Variants in SOCS6 observed in about 807,000 individuals in gnomAD.
The protein encoded by SOCS6 is STAT induced STAT inhibitor-4.
SOCS6 carries 5 observed loss-of-function variants against 27.7 expected under a neutral mutation model. That is an observed-to-expected ratio of 0.18 (90% CI 0.09 to 0.38). SOCS6 has a LOEUF of 0.38. Among genes scored for constraint, SOCS6 ranks in the 10% least tolerant of loss-of-function variants. The pLI is 1.00. For missense variants in SOCS6, 595 were observed against 688.1 expected (o/e 0.86, Z 1.51); for synonymous variants, 271 against 260.0 (o/e 1.04, Z -0.41).
In SOCS6 at chr18:70,329,530, A is replaced by G. The variant is rs907256155; in HGVS notation, c.*3254A>G. On this transcript the variant is annotated 3_prime_UTR_variant, in exon 2 of 2. Coordinates refer to ENST00000397942, the MANE Select transcript of SOCS6 (RefSeq NM_004232.4). The stretch of plus-strand genomic sequence containing the variant: ...CAGTTTTAATTACATTTCACATTGT[A>G]TATGAGAGATACTGCTTTATGAATG... 8 of 167,124 alleles carry G rather than the reference A, an allele frequency of 4.8e-5. No individual in the cohort carries two copies. The highest frequency in any genetic ancestry group is 4.6e-4 in the Admixed American group (7 of 15,294). The allele number at this position is 167,124 out of a possible 1,614,324, so 10.4% of individuals were successfully genotyped here. A position where few individuals can be genotyped will look rare whatever the true frequency, so the allele number is the denominator to read the frequency against.
At chr18:70,294,270 C>T (rs1019752503) in intron 1 of SOCS6, among the ~76,000 whole-genome samples, 5 of 151,786 alleles carry the variant, frequency 3.3e-5, no homozygotes, top group Admixed American at 2.6e-4. Context: ...GTAATTATTA[C>T]TATTAATTCT....
chr18:70,324,440 CTG>C, intron 1 of SOCS6, 101 bp from the exon 2 acceptor site: 1 of 378,124 alleles, frequency 2.6e-6, no homozygotes, highest in Non-Finnish European at 4.7e-6. Context: ...TAAGAAAAGA[CTG>C]GGGTGTTCTC....
chr18:70,291,312 G>A (rs1336662758), intron 1 of SOCS6, among the ~76,000 whole-genome samples: 1 of 151,958 alleles, frequency 6.6e-6, no homozygotes, highest in African/African-American at 2.4e-5. Flanking sequence ...GTGTTGCCGA[G>A]GCTGGTCTCA....
intron 1 of SOCS6, among the ~76,000 whole-genome samples, chr18:70,300,813 CTTAAT>C (rs535703519): frequency 1.6e-3 from 244 of 152,214 alleles, no homozygotes; most frequent in African/African-American, 5.4e-3. Context: ...TAAATTTATT[CTTAAT>C]TTAAGTTAAA....
chr18:70,291,251 CAT>C (rs2062298032), intron 1 of SOCS6, among the ~76,000 whole-genome samples: 1 of 152,184 alleles, frequency 6.6e-6, no homozygotes, highest in Admixed American at 6.5e-5. Context: ...GGACCACAGA[CAT>C]GTGCCACCAC....
Position 70,312,859 on chromosome 18 carries a change from C to T in SOCS6, c.-126-11684C>T, listed in dbSNP as rs544807810. ...CGTGATCTTGGCTCACTGCAAACTC[C>T]GCCTCCCGGGTTCAAGCAATTCTCC... On this transcript the variant is annotated intron_variant, in intron 1 of 1. Coordinates refer to ENST00000397942, the MANE Select transcript of SOCS6 (RefSeq NM_004232.4). 3.3e-5 allele frequency among the ~76,000 whole-genome samples: 5 copies of T among 149,366 alleles called. No homozygotes were observed. The South Asian group carries it at 1.1e-3, about 32-fold the overall frequency.
At position 70,301,487 on chromosome 18, in the gene SOCS6, G is replaced by A. The variant is rs138584104; in HGVS notation, c.-127+12397G>A. ...GAAGAATGTAGAGTAGCCGGAAATG[G>A]AAGTATAGAGAAGATTTAAACCTGC... On this transcript the variant is annotated intron_variant, in intron 1 of 1. Coordinates refer to ENST00000397942, the MANE Select transcript of SOCS6 (RefSeq NM_004232.4). 1.9e-3 allele frequency among the ~76,000 whole-genome samples: 268 copies of A among 142,546 alleles called. 1 individual carries two copies. Among genetic ancestry groups the A allele is most frequent in the African/African-American group, 6.7e-3 (261 of 39,064 alleles). The allele number at this position is 142,546 out of a possible 152,430, so 93.5% of individuals were successfully genotyped here. A position where few individuals can be genotyped will look rare whatever the true frequency, so the allele number is the denominator to read the frequency against.
At chr18:70,323,615 G>A (rs1911068344) in intron 1 of SOCS6, among the ~76,000 whole-genome samples, 1 of 152,132 alleles carries the variant, frequency 6.6e-6, no homozygotes, top group Non-Finnish European at 1.5e-5. Flanking sequence ...CGCGCATTGA[G>A]CTTCTTCCTC....
Position 70,328,707 on chromosome 18 carries a change from G to T in SOCS6, c.*2431G>T, listed in dbSNP as rs565587172. The T allele has an allele frequency of 2.4e-5, 4 of 166,912 alleles. No homozygotes were observed. The South Asian group carries it at 8.3e-4, about 35-fold the overall frequency. 10.3% of individuals were successfully genotyped at this position (166,912 alleles called of 1,614,324 possible). ...ATTTGCCAAAAAGTTAAATTTACAAGCAGAAAGATGTTTTGCGATATTTTC... is the reference window on the plus strand; with the variant it reads ...ATTTGCCAAAAAGTTAAATTTACAATCAGAAAGATGTTTTGCGATATTTTC... On this transcript the variant is annotated 3_prime_UTR_variant, in exon 2 of 2. Coordinates refer to ENST00000397942, the MANE Select transcript of SOCS6 (RefSeq NM_004232.4).
At position 70,302,167 on chromosome 18, in the gene SOCS6, C is replaced by T. The variant is rs79472799; in HGVS notation, c.-127+13077C>T. On this transcript the variant is annotated intron_variant, in intron 1 of 1. Coordinates refer to ENST00000397942, the MANE Select transcript of SOCS6 (RefSeq NM_004232.4). ...TTGGGAGATTAAGTGTGCCAGCTGA[C>T]GGTGGGGGCCCTTGAGCAAGGTAGC... Among the ~76,000 whole-genome samples, 1,316 of 152,110 alleles carry T rather than the reference C, an allele frequency of 8.7e-3. 10 individuals are homozygous for T. Among genetic ancestry groups the T allele is most frequent in the Middle Eastern group, 0.017 (5 of 294 alleles).
chr18:70,325,332 C>T lies in SOCS6; in HGVS notation c.664C>T (p.Gln222Ter). ...TGGACTTATGCCTCAGGACTACATTCAGTATACTGTGCCTTTAGATGAGGG... is the reference window on the plus strand; with the variant it reads ...TGGACTTATGCCTCAGGACTACATTTAGTATACTGTGCCTTTAGATGAGGG... ...VIGLMPQDYI[Q>*]YTVPLDEGMY... Residue 222 changes from glutamine to a stop codon, truncating the protein, a stop_gained, in exon 2 of 2, where the codon CAG becomes TAG. Coordinates refer to ENST00000397942, the MANE Select transcript of SOCS6 (RefSeq NM_004232.4). LOFTEE classifies it high-confidence loss of function. This position sits in a 1 kb window ranked among gnomAD's most constrained non-coding sequence, Gnocchi z 6.3. 1 of 1,614,096 alleles carries T rather than the reference C, an allele frequency of 6.2e-7. No individual in the cohort carries two copies. Among genetic ancestry groups the T allele is most frequent in the Non-Finnish European group, 8.5e-7 (1 of 1,179,952 alleles).
At chr18:70,319,608 T>TAAA (rs34494275) in intron 1 of SOCS6, among the ~76,000 whole-genome samples, 12 of 126,340 alleles carry the variant, frequency 9.5e-5, no homozygotes, top group African/African-American at 3.4e-4. Context: ...AGCACTTCAG[T>TAAA]AAAAAAAAAA....
intron 1 of SOCS6, among the ~76,000 whole-genome samples, chr18:70,306,526 G>C (rs2062370389): frequency 6.7e-6 from 1 of 149,616 alleles, no homozygotes; most frequent in African/African-American, 2.5e-5. Context: ...CTAAGATTGT[G>C]TCAATTATGA....
rs1381782120 is a variant in SOCS6, at chr18:70,324,622, T to TA, written c.-46dup. 10 of 1,284,632 alleles carry TA rather than the reference T, an allele frequency of 7.8e-6. No homozygotes were observed. Among genetic ancestry groups the TA allele is most frequent in the Non-Finnish European group, 1.1e-5 (10 of 919,736 alleles). 79.6% of individuals were successfully genotyped at this position (1,284,632 alleles called of 1,614,324 possible). A position where few individuals can be genotyped will look rare whatever the true frequency, so the allele number is the denominator to read the frequency against. On this transcript the variant is annotated 5_prime_UTR_variant, in exon 2 of 2. An upstream open reading frame in the 5' UTR gains an earlier in-frame stop. Transcript: ENST00000397942. The stretch of plus-strand genomic sequence containing the variant: ...AGCCTCTCCAGATGTTTGGGGATAA[T>TA]ATTCCAGATAGAAATATTGATCCCT...
chr18:70,315,042 G>T (rs1300539467), intron 1 of SOCS6, among the ~76,000 whole-genome samples: 1 of 151,990 alleles, frequency 6.6e-6, no homozygotes, highest in Non-Finnish European at 1.5e-5. Flanking sequence ...AGCCACGTTA[G>T]CAATCCCAGG....
rs762360422 is a variant in SOCS6, at chr18:70,326,311, T to C, written c.*35T>C. The C allele has an allele frequency of 3.9e-6, 6 of 1,526,232 alleles. No individual in the cohort carries two copies. The African/African-American group carries it at 8.3e-5, about 21-fold the overall frequency. 94.5% of individuals were successfully genotyped at this position (1,526,232 alleles called of 1,614,324 possible). ...AACCCTGCATCTTGCACTTTGGGAA[T>C]AAGAACAAGAGATTGAAATACAGTT... On this transcript the variant is annotated 3_prime_UTR_variant, in exon 2 of 2. Coordinates refer to ENST00000397942, the MANE Select transcript of SOCS6 (RefSeq NM_004232.4).
chr18:70,297,744 A>G (rs1032370962), intron 1 of SOCS6, among the ~76,000 whole-genome samples: 1 of 152,204 alleles, frequency 6.6e-6, no homozygotes, highest in Admixed American at 6.5e-5. Context: ...TTGCTTTCCA[A>G]GATTCCCTTC....
intron 1 of SOCS6, among the ~76,000 whole-genome samples, chr18:70,304,456 A>C (rs558997291): frequency 5.6e-4 from 85 of 152,244 alleles, no homozygotes; most frequent in Non-Finnish European, 1.1e-3. Context: ...GTTTCTCTGC[A>C]TCCCTCCCTT....
chr18:70,291,892 T>C (rs971982266), intron 1 of SOCS6, among the ~76,000 whole-genome samples: 1 of 152,220 alleles, frequency 6.6e-6, no homozygotes, highest in African/African-American at 2.4e-5. Context: ...TAGAAATAAT[T>C]GTTCAGCTGT....
Sources: gnomAD v4.1 joint callset for allele counts (sites outside exome capture counted in the v4.1 genomes callset) on GRCh38, gnomAD v4.1.1 for gene constraint, Gnocchi (gnomAD v3.1) non-coding constraint, MANE v1.5 for transcripts, NCBI Gene and HGNC (gene_info 2026-07-23, HGNC 2026-07-21) for gene names.